TEX14: variants seen among roughly 807,000 people sequenced by gnomAD.
The protein encoded by TEX14 is inactive serine/threonine-protein kinase TEX14.
A neutral mutation model predicts 178.6 loss-of-function variants in TEX14; 168 were observed. That is an observed-to-expected ratio of 0.94 (90% CI 0.83 to 1.07). The LOEUF is 1.07. TEX14 is among the 50% of genes least tolerant of loss of function. TEX14 has a pLI of 0.00. For synonymous variants in TEX14, 626 were observed against 634.1 expected (o/e 0.99, Z 0.19); for missense variants, 1,730 against 1,753.6 (o/e 0.99, Z 0.24).
At chr17:58,658,956 CTGGCT>C (rs909913209) in intron 1 of TEX14, among the ~76,000 whole-genome samples, 2 of 151,732 alleles carry the variant, frequency 1.3e-5, no homozygotes, top group African/African-American at 4.9e-5. Flanking sequence ...CCACATCAGT[CTGGCT>C]TATTTTTCCA....
At chr17:58,597,624 G>C (rs1239999907) in intron 14 of TEX14, among the ~76,000 whole-genome samples, 1 of 152,082 alleles carries the variant, frequency 6.6e-6, no homozygotes, top group Admixed American at 6.6e-5. Context: ...CACTGGGCTT[G>C]AGCTTCACAC....
At chr17:58,665,438 TA>T (rs1304926082) in intron 1 of TEX14, among the ~76,000 whole-genome samples, 2 of 151,812 alleles carry the variant, frequency 1.3e-5, no homozygotes, top group Non-Finnish European at 2.9e-5. Flanking sequence ...CTGCCTCTAC[TA>T]AAAATACAGT....
chr17:58,641,440 G>C (rs533763766), intron 2 of TEX14, among the ~76,000 whole-genome samples: 1 of 151,406 alleles, frequency 6.6e-6, no homozygotes, highest in African/African-American at 2.4e-5. Context: ...TAGCCAACCA[G>C]GCTGCTGTGC....
chr17:58,587,706 T>C, intron 16 of TEX14, 40 bp from the exon 17 acceptor site: 3 of 1,442,594 alleles, frequency 2.1e-6, no homozygotes, highest in Non-Finnish European at 1.9e-6. Context: ...GGGAGCGGGG[T>C]GGACACAAAC....
At chr17:58,648,972 G>A (rs1427801354) in intron 2 of TEX14, among the ~76,000 whole-genome samples, 1 of 148,660 alleles carries the variant, frequency 6.7e-6, no homozygotes, top group Non-Finnish European at 1.5e-5. Context: ...TGTTTTTTTA[G>A]TAGAGACGGG....
At chr17:58,601,049 G>A (rs1598374939) in intron 13 of TEX14, among the ~76,000 whole-genome samples, 1 of 151,676 alleles carries the variant, frequency 6.6e-6, no homozygotes, top group African/African-American at 2.4e-5. Context: ...AGGAGTTCAA[G>A]ACCAACCTGA....
chr17:58,611,025 G>GGGACAGGTTCAGCAACTGAT (rs1251711790), intron 10 of TEX14, 136 bp downstream of exon 10: 3 of 647,484 alleles, frequency 4.6e-6, no homozygotes, highest in Non-Finnish European at 8.2e-6. Context: ...TAAGGCATTT[G>GGGACAGGTTCAGCAACTGAT]GGACAGGTTC....
At chr17:58,616,652 G>A (rs558017258) in intron 6 of TEX14, among the ~76,000 whole-genome samples, 62 of 151,916 alleles carry the variant, frequency 4.1e-4, no homozygotes, top group Non-Finnish European at 6.8e-4. Flanking sequence ...TCAAAGTCCT[G>A]GGCTCAAGTG....
At position 58,573,728 on chromosome 17, in the gene TEX14, A is replaced by G. The variant is rs573112257; in HGVS notation, c.3384-420T>C. Among the ~76,000 whole-genome samples the G allele has an allele frequency of 2.0e-4, 31 of 152,320 alleles. No individual in the cohort carries two copies. In the South Asian group the frequency reaches 6.2e-3, roughly 31 times the overall value. ...GAGATGGGATTTTACCATGTTGGCC[A>G]GGCTGGTCACGAACTCCTGATCTCA... On this transcript the variant is annotated intron_variant, in intron 22 of 31. Transcript: ENST00000349033.
intron 1 of TEX14, among the ~76,000 whole-genome samples, chr17:58,675,985 A>G (rs2047388080): frequency 6.6e-6 from 1 of 152,168 alleles, no homozygotes. Context: ...ACACATGTAT[A>G]TCCCAGCACG....
chr17:58,632,228 A>G (rs1201616107), intron 2 of TEX14, among the ~76,000 whole-genome samples: 1 of 152,234 alleles, frequency 6.6e-6, no homozygotes, highest in East Asian at 1.9e-4. Context: ...AGGGAAAGCG[A>G]TAATTCAAAG....
intron 26 of TEX14, among the ~76,000 whole-genome samples, chr17:58,566,466 A>G (rs1384051857): frequency 3.9e-5 from 6 of 152,138 alleles, no homozygotes; most frequent in Admixed American, 3.3e-4. Flanking sequence ...CCCCATCTCT[A>G]TTCACCTATA....
rs780265467 is a variant in TEX14, at chr17:58,587,597, T to C, written c.2772A>G (p.Val924=). 1.4e-4 allele frequency: 229 copies of C among 1,594,630 alleles called. 1 individual carries two copies. The Admixed American group carries it at 3.9e-3, about 27-fold the overall frequency. The change falls in exon 17 of 32, where the codon GTA becomes GTG. Residue 924 remains valine (V), a synonymous_variant. Transcript: ENST00000349033. ...AESRNKDDGK[V]HLKWKMEVKE... is the part of the protein sequence containing the mutation. ...TATACTCACTTTTCCATTTTAAGTG[T>C]ACCTTTCCATCATCTTTATTTCTGG...
intron 2 of TEX14, among the ~76,000 whole-genome samples, chr17:58,647,797 C>A (rs1007875395): frequency 6.6e-6 from 1 of 151,898 alleles, no homozygotes; most frequent in African/African-American, 2.4e-5. Context: ...GAAGTTCAAG[C>A]GATTCTCCTC....
intron 2 of TEX14, among the ~76,000 whole-genome samples, chr17:58,638,293 G>C (rs897383136): frequency 6.6e-6 from 1 of 151,934 alleles, no homozygotes; most frequent in Non-Finnish European, 1.5e-5. Context: ...ACACTTGCTT[G>C]AGCCCAGTAG....
At position 58,602,384 on chromosome 17, in the gene TEX14, C is replaced by G; in HGVS notation, c.1527+16G>C. ...TAGGTAAGCAGAAATAAACTCCCAA[C>G]AACTTCAGGGCTTGCCTTTAAGTCA... is the stretch of plus-strand genomic sequence containing the variant. On this transcript the variant is annotated intron_variant, in intron 12 of 31. Coordinates refer to ENST00000349033, the MANE Select transcript of TEX14 (RefSeq NM_031272.5). 6.3e-7 allele frequency: 1 copy of G among 1,594,212 alleles called. No homozygotes were observed. The highest frequency in any genetic ancestry group is 8.6e-7 in the Non-Finnish European group (1 of 1,167,392).
rs116557535 is a variant in TEX14 at position 58,607,115 on chromosome 17, C to A, written c.1185-1986G>T. ...GAATGCTATCCTTGACAATGACATT[C>A]AACAAACTGATATGCCCTAGTAGAG... On this transcript the variant is annotated intron_variant, in intron 10 of 31. Transcript: ENST00000349033. Among the ~76,000 whole-genome samples the A allele has an allele frequency of 5.7e-3, 865 of 151,322 alleles. 6 individuals carry two copies. The highest frequency in any genetic ancestry group is 0.02 in the African/African-American group (815 of 41,202).
At chr17:58,591,220 C>T (rs1486328962) in intron 15 of TEX14, among the ~76,000 whole-genome samples, 2 of 152,152 alleles carry the variant, frequency 1.3e-5, no homozygotes, top group Non-Finnish European at 2.9e-5. Context: ...ATAAAATCCA[C>T]TGATCTAAAA....
At chr17:58,630,003 G>A (rs111915831) in intron 3 of TEX14, among the ~76,000 whole-genome samples, 5 of 146,040 alleles carry the variant, frequency 3.4e-5, no homozygotes, top group African/African-American at 1.0e-4. Flanking sequence ...CACCATGCCC[G>A]GCCTAAACTC....
Sources: allele counts gnomAD v4.1 joint callset (sites outside exome capture counted in the v4.1 genomes callset), GRCh38; gene constraint gnomAD v4.1.1; transcripts MANE v1.5; gene names NCBI Gene and HGNC (gene_info 2026-07-23, HGNC 2026-07-21).